The following BAZ2B variants were observed in gnomAD, a reference collection of about 807,000 sequenced individuals.
BAZ2B encodes the protein bromodomain adjacent to zinc finger domain 2B.
BAZ2B carries 91 observed loss-of-function variants against 246.0 expected under a neutral mutation model. The observed-to-expected ratio is 0.37, with a 90% CI of 0.31 to 0.44. BAZ2B has a LOEUF of 0.44. Among genes scored for constraint, BAZ2B ranks in the 20% least tolerant of loss-of-function variants. The pLI, the probability that BAZ2B is intolerant of heterozygous loss-of-function variation, is 1.00. For missense variants in BAZ2B, 2,332 were observed against 2,533.7 expected (o/e 0.92, Z 1.71); for synonymous variants, 855 against 860.0 (o/e 0.99, Z 0.10).
Position 159,389,476 on chromosome 2 carries a change from G to A in BAZ2B, c.3085C>T (p.Arg1029Trp), listed in dbSNP as rs1220985055. The change falls in exon 21 of 37, where the codon CGG becomes TGG. Residue 1029 changes from arginine (R) to tryptophan (W), a missense_variant. Transcript: ENST00000392783. ...TCATCACGTTTTTCTTGTTTCAACC[G>A]CTCTTTTTCCTTAAAAAGAAAACCA... ...EARKKAEEKERLKQEKRDEKR... is the reference protein window; with the variant it reads ...EARKKAEEKEWLKQEKRDEKR... 4.4e-6 allele frequency: 7 copies of A among 1,594,810 alleles called. No homozygotes were observed. The highest frequency in any genetic ancestry group is 1.2e-5 in the South Asian group (1 of 86,728).
intron 2 of BAZ2B, among the ~76,000 whole-genome samples, chr2:159,525,161 G>A (rs1454645126): frequency 6.6e-6 from 1 of 152,186 alleles, no homozygotes; most frequent in Non-Finnish European, 1.5e-5. Flanking sequence ...GCTTTGGAAA[G>A]CAGTGTAGGA....
upstream of BAZ2B, among the ~76,000 whole-genome samples, chr2:159,619,578 T>A (rs1696350180): frequency 6.6e-6 from 1 of 150,666 alleles, no homozygotes; most frequent in African/African-American, 2.4e-5. Context: ...AAATATATAT[T>A]TAAAATTATT....
intron 2 of BAZ2B, among the ~76,000 whole-genome samples, chr2:159,492,866 T>C (rs2080654047): frequency 6.6e-6 from 1 of 152,222 alleles, no homozygotes; most frequent in African/African-American, 2.4e-5. Flanking sequence ...TGTTGTTATC[T>C]GTTTTTACAT....
chr2:159,545,265 T>C (rs2087172750), intron 2 of BAZ2B, among the ~76,000 whole-genome samples: 1 of 152,178 alleles, frequency 6.6e-6, no homozygotes. Flanking sequence ...AACTACATTT[T>C]TGCAATGATG....
chr2:159,549,774 T>A (rs1470590501), intron 2 of BAZ2B, among the ~76,000 whole-genome samples: 71 of 132,742 alleles, frequency 5.3e-4, no homozygotes, highest in Non-Finnish European at 1.1e-3. Flanking sequence ...GTGAGATGTT[T>A]AAAAAAAAAA....
chr2:159,429,082 A>C, intron 11 of BAZ2B, 118 bp downstream of exon 11: 1 of 641,556 alleles, frequency 1.6e-6, no homozygotes, highest in Non-Finnish European at 2.4e-6. Flanking sequence ...CTGCTCTAAT[A>C]AATACTATGC....
At chr2:159,568,124 T>C (rs1683086937) in intron 1 of BAZ2B, among the ~76,000 whole-genome samples, 1 of 152,212 alleles carries the variant, frequency 6.6e-6, no homozygotes, top group Non-Finnish European at 1.5e-5. Context: ...GAACATTTTA[T>C]CATTCCCAAA....
At chr2:159,681,668 C>T in the BAZ2B span, among the ~76,000 whole-genome samples, 35 of 152,268 alleles carry the variant, frequency 2.3e-4, no homozygotes, top group East Asian at 6.4e-3. Flanking sequence ...TGGTGGCTCA[C>T]GCCTGTAATC....
chr2:159,709,738 G>A, the BAZ2B span, among the ~76,000 whole-genome samples: 1 of 152,168 alleles, frequency 6.6e-6, no homozygotes, highest in African/African-American at 2.4e-5. Flanking sequence ...AATAAAAGAG[G>A]GGAAAACAAG....
rs1227747636 is a variant in BAZ2B at position 159,462,449 on chromosome 2, A to G, written c.146-8648T>C. The G allele has an allele frequency of 2.4e-6, 3 of 1,224,848 alleles. No homozygotes were observed. In the East Asian group the frequency reaches 7.0e-5, roughly 29 times the overall value. The allele number at this position is 1,224,848 out of a possible 1,614,324, so 75.9% of individuals were successfully genotyped here. A position where few individuals can be genotyped will look rare whatever the true frequency, so the allele number is the denominator to read the frequency against. On this transcript the variant is annotated intron_variant, in intron 3 of 36. Transcript: ENST00000392783. ...TAGCTGAGTAATCTTGTTCCAGTCAATTTTGGTGCGGGTAACCGGAAGCTG... is the reference window on the plus strand; with the variant it reads ...TAGCTGAGTAATCTTGTTCCAGTCAGTTTTGGTGCGGGTAACCGGAAGCTG...
At chr2:159,568,402 A>G (rs1683147276) in intron 1 of BAZ2B, among the ~76,000 whole-genome samples, 1 of 152,192 alleles carries the variant, frequency 6.6e-6, no homozygotes, top group Non-Finnish European at 1.5e-5. Flanking sequence ...TTTTTTCATC[A>G]TGACTGGATT....
chr2:159,382,064 CA>C lies in BAZ2B; in HGVS notation c.4005+494del, dbSNP rs374576289. Among the ~76,000 whole-genome samples, 426 of 152,274 alleles carry C rather than the reference CA, an allele frequency of 2.8e-3. 1 individual carries two copies. The highest frequency in any genetic ancestry group is 4.9e-3 in the Non-Finnish European group (336 of 68,010). ...GTTATCACATTATGTTTTCTTTTTG[CA>C]AATCCTTCTCAGTGAGACTGTAAAT... On this transcript the variant is annotated intron_variant, in intron 25 of 36. Transcript: ENST00000392783.
chr2:159,376,718 G>C (rs1268863481), intron 25 of BAZ2B, among the ~76,000 whole-genome samples: 3 of 152,088 alleles, frequency 2.0e-5, no homozygotes, highest in Admixed American at 6.5e-5. Flanking sequence ...TCAAATATTT[G>C]AAAATGCCAT....
At chr2:159,595,136 CTT>C (rs1249718837) in intron 1 of BAZ2B, among the ~76,000 whole-genome samples, 4 of 148,604 alleles carry the variant, frequency 2.7e-5, no homozygotes, top group Admixed American at 1.3e-4. Context: ...GAGTTTTGCT[CTT>C]GTTGCCCAGG....
the BAZ2B span, among the ~76,000 whole-genome samples, chr2:159,709,134 G>A: frequency 1.6e-5 from 2 of 128,382 alleles, no homozygotes; most frequent in South Asian, 4.7e-4. Flanking sequence ...ATTTTGGGCT[G>A]GATAAAAAAA....
At chr2:159,448,699 A>T (rs916630737) in intron 4 of BAZ2B, among the ~76,000 whole-genome samples, 2 of 152,208 alleles carry the variant, frequency 1.3e-5, no homozygotes, top group African/African-American at 2.4e-5. Flanking sequence ...GAAAACTTGG[A>T]ATATAAAAGA....
chr2:159,690,261 C>G, the BAZ2B span: 1 of 358,298 alleles, frequency 2.8e-6, no homozygotes, highest in South Asian at 2.7e-5. Flanking sequence ...AGATCAGCCA[C>G]TTTCGTCTTG....
At chr2:159,399,209 A>C (rs1408207921) in intron 17 of BAZ2B, among the ~76,000 whole-genome samples, 1 of 151,754 alleles carries the variant, frequency 6.6e-6, no homozygotes, top group Admixed American at 6.6e-5. Flanking sequence ...TAATCACAGA[A>C]AAGTGATTTT....
intron 27 of BAZ2B, among the ~76,000 whole-genome samples, chr2:159,359,637 C>G (rs1424363463): frequency 6.6e-6 from 1 of 152,138 alleles, no homozygotes; most frequent in Non-Finnish European, 1.5e-5. Context: ...ATACCAAAAC[C>G]TGGCAGAAAC....
Sources: gnomAD v4.1 joint callset for allele counts (sites outside exome capture counted in the v4.1 genomes callset) on GRCh38, gnomAD v4.1.1 for gene constraint, MANE v1.5 for transcripts, NCBI Gene and HGNC (gene_info 2026-07-23, HGNC 2026-07-21) for gene names.